The following SAMD3 variants were observed in gnomAD, a reference collection of about 807,000 sequenced individuals.
The protein encoded by SAMD3 is sterile alpha motif domain containing 3, also known as sterile alpha motif domain-containing protein 3.
In SAMD3, 63 loss-of-function variants were observed where a neutral mutation model predicts 58.5. That is an observed-to-expected ratio of 1.08 (90% confidence interval 0.88 to 1.33). SAMD3 has a LOEUF of 1.33. SAMD3 is among the 40% of genes most tolerant of loss of function. SAMD3 has a pLI of 0.00. For synonymous variants in SAMD3, 220 were observed against 210.3 expected (o/e 1.05, Z -0.40); for missense variants, 604 against 608.4 (o/e 0.99, Z 0.08).
intron 2 of SAMD3, among the ~76,000 whole-genome samples, chr6:130,278,309 A>G (rs1774855961): frequency 6.6e-6 from 1 of 152,090 alleles, no homozygotes; most frequent in Admixed American, 6.5e-5. Flanking sequence ...AAAAACTCTG[A>G]TCCTTGAATA....
chr6:130,149,135 C>G (rs576153374), intron 9 of SAMD3, among the ~76,000 whole-genome samples: 35 of 152,322 alleles, frequency 2.3e-4, no homozygotes, highest in African/African-American at 7.9e-4. Context: ...TCCCAAGCTT[C>G]TAACTCTCTT....
intron 2 of SAMD3, among the ~76,000 whole-genome samples, chr6:130,274,489 A>G (rs1395600900): frequency 6.6e-6 from 1 of 152,116 alleles, no homozygotes; most frequent in Non-Finnish European, 1.5e-5. Context: ...TATACAGCTT[A>G]GGGTGGGCTG....
chr6:130,363,336 C>T (rs916478766), intron 1 of SAMD3, among the ~76,000 whole-genome samples: 4 of 152,148 alleles, frequency 2.6e-5, no homozygotes, highest in African/African-American at 9.7e-5. Context: ...CTTAAGAATA[C>T]TCATTCTTTT....
intron 2 of SAMD3, among the ~76,000 whole-genome samples, chr6:130,293,403 C>G (rs1415824761): frequency 2.6e-5 from 4 of 152,128 alleles, no homozygotes; most frequent in African/African-American, 9.7e-5. Flanking sequence ...GGTCCCCTCA[C>G]TCTAGTAATT....
intron 4 of SAMD3, among the ~76,000 whole-genome samples, chr6:130,210,597 CA>C (rs768346534): frequency 0.03 from 3,377 of 113,856 alleles, 46 homozygotes; most frequent in Middle Eastern, 0.057. Context: ...GAAACTCCAT[CA>C]AAAAAAAAAA....
intron 2 of SAMD3, among the ~76,000 whole-genome samples, chr6:130,265,646 T>C (rs141069577): frequency 0.011 from 1,689 of 152,242 alleles, 8 homozygotes; most frequent in Non-Finnish European, 0.016. Context: ...GCCCAGGAAA[T>C]GACCAACCTA....
At chr6:130,228,446 A>G (rs961094171) in intron 2 of SAMD3, among the ~76,000 whole-genome samples, 2 of 152,198 alleles carry the variant, frequency 1.3e-5, no homozygotes, top group Non-Finnish European at 2.9e-5. Context: ...ATGGACGGGC[A>G]CAGGAATGGT....
At chr6:130,171,625 C>T (rs1435893229) in intron 8 of SAMD3, among the ~76,000 whole-genome samples, 1 of 152,094 alleles carries the variant, frequency 6.6e-6, no homozygotes, top group African/African-American at 2.4e-5. Context: ...GTTTTACTTC[C>T]AATTATGTGA....
At chr6:130,346,138 G>T (rs983521257) in intron 1 of SAMD3, among the ~76,000 whole-genome samples, 5 of 152,356 alleles carry the variant, frequency 3.3e-5, no homozygotes, top group African/African-American at 1.2e-4. Flanking sequence ...ACAGCTCCCA[G>T]CGTGAGTGAC....
At chr6:130,263,364 C>G (rs1477501234) in intron 2 of SAMD3, among the ~76,000 whole-genome samples, 1 of 152,078 alleles carries the variant, frequency 6.6e-6, no homozygotes, top group African/African-American at 2.4e-5. Flanking sequence ...TTCCGGTAAA[C>G]CAGAGCCAGC....
chr6:130,251,396 A>G (rs1434951539), intron 2 of SAMD3, among the ~76,000 whole-genome samples: 1 of 152,178 alleles, frequency 6.6e-6, no homozygotes, highest in African/African-American at 2.4e-5. Flanking sequence ...AGTCTAATTT[A>G]TCTAGTTTTT....
intron 1 of SAMD3, among the ~76,000 whole-genome samples, chr6:130,336,248 C>T (rs995930969): frequency 7.9e-5 from 12 of 151,926 alleles, no homozygotes; most frequent in Non-Finnish European, 1.3e-4. Context: ...CCAAAAAAAC[C>T]CACATATGAG....
chr6:130,362,986 C>T (rs603395), intron 1 of SAMD3, among the ~76,000 whole-genome samples: 2 of 151,960 alleles, frequency 1.3e-5, no homozygotes, highest in Non-Finnish European at 2.9e-5. Flanking sequence ...TTTCTTTATC[C>T]TATATTCCTC....
chr6:130,275,831 C>A (rs1040034907), intron 2 of SAMD3, among the ~76,000 whole-genome samples: 3 of 152,020 alleles, frequency 2.0e-5, no homozygotes, highest in Non-Finnish European at 4.4e-5. Context: ...TATTTTAAAA[C>A]GTTTTCTCCC....
At chr6:130,362,266 G>A (rs1305257642) in intron 1 of SAMD3, among the ~76,000 whole-genome samples, 2 of 152,162 alleles carry the variant, frequency 1.3e-5, no homozygotes, top group African/African-American at 4.8e-5. Context: ...ATAGGTTTGG[G>A]CAAGGGCCTG....
intron 5 of SAMD3, among the ~76,000 whole-genome samples, chr6:130,201,815 TCCTTCAGTGTTTGTGAAG>T (rs1794675116): frequency 6.6e-6 from 1 of 152,238 alleles, no homozygotes; most frequent in African/African-American, 2.4e-5. Flanking sequence ...TTCAAAATCC[TCCTTCAGTGTTTGTGAAG>T]CCTTTCCCTA....
At chr6:130,303,969 CTTTAAG>C (rs1775832103) in intron 2 of SAMD3, among the ~76,000 whole-genome samples, 1 of 151,726 alleles carries the variant, frequency 6.6e-6, no homozygotes, top group African/African-American at 2.4e-5. Flanking sequence ...AAATATTTTC[CTTTAAG>C]TTTGTCATTT....
chr6:130,145,991 C>A lies in SAMD3; in HGVS notation c.1195+19G>T. The A allele has an allele frequency of 7.1e-7, 1 of 1,398,812 alleles. No individual in the cohort carries two copies. Among genetic ancestry groups the A allele is most frequent in the South Asian group, 2.0e-5 (1 of 50,548 alleles). The allele number at this position is 1,398,812 out of a possible 1,614,324, so 86.7% of individuals were successfully genotyped here. On this transcript the variant is annotated intron_variant, in intron 10 of 11. Coordinates refer to ENST00000439090, the MANE Select transcript of SAMD3 (RefSeq NM_001017373.4). ...ATAAATAACAGATGAAATCACACCA[C>A]TCCATAAGGTTTACTAACATTTCAA...
chr6:130,343,180 T>A (rs1777323131), intron 1 of SAMD3, among the ~76,000 whole-genome samples: 1 of 151,872 alleles, frequency 6.6e-6, no homozygotes, highest in Non-Finnish European at 1.5e-5. Flanking sequence ...TTTAACTTAC[T>A]ATAAAAAGGA....
Sources: gnomAD v4.1 joint callset for allele counts (sites outside exome capture counted in the v4.1 genomes callset) on GRCh38, gnomAD v4.1.1 for gene constraint, MANE v1.5 for transcripts, NCBI Gene and HGNC (gene_info 2026-07-23, HGNC 2026-07-21) for gene names.